CNBD1: variants seen among roughly 807,000 people sequenced by gnomAD.
The protein encoded by CNBD1 is cyclic nucleotide-binding domain-containing protein 1.
CNBD1 carries 71 observed loss-of-function variants against 54.4 expected under a neutral mutation model. The ratio of observed to expected loss-of-function variants is 1.30; its 90% CI spans 1.08 to 1.59. CNBD1 has a LOEUF of 1.59. Ranked by LOEUF, CNBD1 falls within the 40% of genes most tolerant of loss-of-function variation. The pLI is 0.00. For synonymous variants in CNBD1, 182 were observed against 170.7 expected (o/e 1.07, Z -0.51); for missense variants, 659 against 518.0 (o/e 1.27, Z -2.64).
chr8:86,992,989 A>G (rs1480100376), intron 4 of CNBD1, among the ~76,000 whole-genome samples: 1 of 152,102 alleles, frequency 6.6e-6, no homozygotes, highest in African/African-American at 2.4e-5. Context: ...TTGAATTTGC[A>G]TGTCAACCTC....
chr8:87,356,075 G>T (rs1245634194), intron 10 of CNBD1, among the ~76,000 whole-genome samples: 1 of 148,722 alleles, frequency 6.7e-6, no homozygotes, highest in Non-Finnish European at 1.5e-5. Context: ...CTCACCAGAA[G>T]CCAAGCAGAT....
chr8:87,053,662 C>T (rs1810356944), intron 4 of CNBD1, among the ~76,000 whole-genome samples: 1 of 152,130 alleles, frequency 6.6e-6, no homozygotes, highest in African/African-American at 2.4e-5. Context: ...AATAGTCAGG[C>T]TTATCTGCTG....
intron 6 of CNBD1, among the ~76,000 whole-genome samples, chr8:87,280,539 G>A (rs1037426856): frequency 6.6e-6 from 1 of 151,416 alleles, no homozygotes; most frequent in Admixed American, 6.6e-5. Flanking sequence ...GCAAAGTTTA[G>A]AGCAAGCTAC....
intron 9 of CNBD1, among the ~76,000 whole-genome samples, 174 bp downstream of exon 9, chr8:87,351,968 A>T (rs573298387): frequency 2.0e-5 from 3 of 152,168 alleles, no homozygotes; most frequent in Admixed American, 6.5e-5. Flanking sequence ...TAAGAATATA[A>T]GTTGTAAGAT....
chr8:87,035,539 T>A (rs1226967681), intron 4 of CNBD1, among the ~76,000 whole-genome samples: 2 of 152,198 alleles, frequency 1.3e-5, no homozygotes, highest in African/African-American at 4.8e-5. Context: ...AGTACAAGGT[T>A]CAAAGCAGAT....
At chr8:87,171,326 G>A (rs1442601499) in intron 4 of CNBD1, among the ~76,000 whole-genome samples, 2 of 151,974 alleles carry the variant, frequency 1.3e-5, no homozygotes, top group African/African-American at 4.8e-5. Flanking sequence ...CCTCAGAGTA[G>A]CCACTACTGA....
chr8:87,316,470 T>A (rs1195557780), intron 8 of CNBD1, among the ~76,000 whole-genome samples: 1 of 152,040 alleles, frequency 6.6e-6, no homozygotes, highest in Non-Finnish European at 1.5e-5. Context: ...TGTCAATTGA[T>A]GCAACATGTT....
chr8:87,213,337 C>T (rs932849495), intron 5 of CNBD1, among the ~76,000 whole-genome samples: 1 of 152,086 alleles, frequency 6.6e-6, no homozygotes, highest in African/African-American at 2.4e-5. Flanking sequence ...TTAGTCTGTT[C>T]TCACACTCCT....
At chr8:87,242,010 G>A (rs970746937) in intron 6 of CNBD1, among the ~76,000 whole-genome samples, 1 of 152,088 alleles carries the variant, frequency 6.6e-6, no homozygotes, top group African/African-American at 2.4e-5. Flanking sequence ...AAAACTAGTT[G>A]AGGACATAAT....
At chr8:87,061,930 A>G (rs1246894916) in intron 4 of CNBD1, among the ~76,000 whole-genome samples, 1 of 152,202 alleles carries the variant, frequency 6.6e-6, no homozygotes, top group Non-Finnish European at 1.5e-5. Flanking sequence ...GACAGAGCCA[A>G]TGAAGTGATC....
At chr8:87,265,678 A>G (rs1808241222) in intron 6 of CNBD1, among the ~76,000 whole-genome samples, 1 of 152,104 alleles carries the variant, frequency 6.6e-6, no homozygotes, top group Non-Finnish European at 1.5e-5. Flanking sequence ...TTCTTAATAA[A>G]GTTTTTATGG....
intron 6 of CNBD1, among the ~76,000 whole-genome samples, chr8:87,269,586 T>G (rs898747980): frequency 2.6e-5 from 4 of 152,128 alleles, no homozygotes; most frequent in African/African-American, 9.7e-5. Context: ...GTGTCATCTA[T>G]GATTTCTTTC....
chr8:87,077,197 G>C (rs954698581), intron 4 of CNBD1, among the ~76,000 whole-genome samples: 1 of 152,046 alleles, frequency 6.6e-6, no homozygotes, highest in Non-Finnish European at 1.5e-5. Context: ...AATCAGTTTG[G>C]GCTGCTATAA....
At chr8:87,215,503 G>C (rs558352300) in intron 5 of CNBD1, among the ~76,000 whole-genome samples, 1 of 151,730 alleles carries the variant, frequency 6.6e-6, no homozygotes, top group South Asian at 2.1e-4. Context: ...CAGGAGAATG[G>C]TGTGAACCCG....
chr8:87,280,459 A>G (rs1808577889), intron 6 of CNBD1, among the ~76,000 whole-genome samples: 1 of 151,584 alleles, frequency 6.6e-6, no homozygotes, highest in African/African-American at 2.4e-5. Context: ...TGACGAGATT[A>G]TGAGTGCCTG....
intron 4 of CNBD1, among the ~76,000 whole-genome samples, chr8:86,957,913 T>G (rs1198996314): frequency 6.6e-6 from 1 of 152,222 alleles, no homozygotes; most frequent in African/African-American, 2.4e-5. Context: ...TTCTTTTAAT[T>G]GTGAAGTTAG....
chr8:86,929,697 C>T (rs572360397), intron 3 of CNBD1, among the ~76,000 whole-genome samples: 2 of 152,122 alleles, frequency 1.3e-5, no homozygotes, highest in East Asian at 1.9e-4. Context: ...TCTAAGCAGG[C>T]AGTTGTCTGA....
At chr8:87,118,771 C>T (rs1398131822) in intron 4 of CNBD1, among the ~76,000 whole-genome samples, 2 of 152,196 alleles carry the variant, frequency 1.3e-5, no homozygotes, top group South Asian at 2.1e-4. Context: ...TTCACATTTA[C>T]ACTTTATAAT....
intron 5 of CNBD1, among the ~76,000 whole-genome samples, chr8:87,233,775 G>A (rs1807514537): frequency 2.0e-5 from 3 of 152,108 alleles, no homozygotes; most frequent in African/African-American, 2.4e-5. Flanking sequence ...CAGTTTGGCT[G>A]TGGCAATTTC....
Sources: gnomAD v4.1 joint callset for allele counts (sites outside exome capture counted in the v4.1 genomes callset) on GRCh38, gnomAD v4.1.1 for gene constraint, MANE v1.5 for transcripts, NCBI Gene and HGNC (gene_info 2026-07-23, HGNC 2026-07-21) for gene names.